The following PRKAG2 variants were observed in gnomAD, a reference collection of about 807,000 sequenced individuals.
PRKAG2 encodes 5'-AMP-activated protein kinase subunit gamma-2.
A neutral mutation model predicts 69.6 loss-of-function variants in PRKAG2; 26 were observed. The observed-to-expected ratio is 0.37, with a 90% CI of 0.27 to 0.52. The LOEUF (loss-of-function observed/expected upper bound fraction) is 0.52. Among genes scored for constraint, PRKAG2 ranks in the 20% least tolerant of loss-of-function variants. The probability of loss-of-function intolerance (pLI) is 0.90; values close to 1 mark genes in which losing one functional copy is unlikely to be tolerated. For synonymous variants in PRKAG2, 293 were observed against 285.0 expected (o/e 1.03, Z -0.28); for missense variants, 557 against 740.0 (o/e 0.75, Z 2.87).
chr7:151,636,073 G>T (rs952176263), intron 4 of PRKAG2, among the ~76,000 whole-genome samples: 7 of 151,514 alleles, frequency 4.6e-5, no homozygotes, highest in Non-Finnish European at 1.0e-4. Context: ...AGATGGTCTC[G>T]ATCTCCTGAC....
rs111720710 is a variant in PRKAG2, at chr7:151,572,910, T to C, written c.1006-201A>G. Among the ~76,000 whole-genome samples, 22,157 of 152,026 alleles carry C rather than the reference T, an allele frequency of 0.15. 1,730 individuals carry two copies. The highest frequency in any genetic ancestry group is 0.18 in the African/African-American group (7,473 of 41,458). On this transcript the variant is annotated intron_variant, in intron 8 of 15. Coordinates refer to ENST00000287878, the MANE Select transcript of PRKAG2 (RefSeq NM_016203.4). ...GGCAGATCACCTGAGGTCAGGAGTT[T>C]GAGACCAGCCTGGCCAACATGGTGA... is the stretch of plus-strand genomic sequence containing the variant.
intron 1 of PRKAG2, among the ~76,000 whole-genome samples, chr7:151,866,673 C>T (rs866833693): frequency 1.3e-5 from 2 of 152,078 alleles, no homozygotes; most frequent in African/African-American, 2.4e-5. Flanking sequence ...GAGGATGGGG[C>T]CCAGGTGATG....
intron 4 of PRKAG2, among the ~76,000 whole-genome samples, chr7:151,650,300 T>C (rs1828268944): frequency 1.1e-5 from 1 of 92,892 alleles, no homozygotes; most frequent in Admixed American, 1.0e-4. Context: ...AAACCCAGTC[T>C]CAAAAAAAAA....
At chr7:151,602,076 C>G (rs1293232006) in intron 5 of PRKAG2, among the ~76,000 whole-genome samples, 1 of 152,262 alleles carries the variant, frequency 6.6e-6, no homozygotes, top group African/African-American at 2.4e-5. Context: ...ACAGAGAGAT[C>G]TGGTCCGTGT....
intron 15 of PRKAG2, 175 bp from the exon 16 acceptor site, chr7:151,557,407 C>G (rs185606011): frequency 1.0e-6 from 1 of 985,074 alleles, no homozygotes; most frequent in Non-Finnish European, 1.2e-6. Flanking sequence ...CCCAATCGTT[C>G]GGGCAGCTTG....
chr7:151,692,486 G>C (rs6971188), intron 3 of PRKAG2, among the ~76,000 whole-genome samples: 3,178 of 152,236 alleles, frequency 0.021, 101 homozygotes, highest in African/African-American at 0.073. Context: ...AATTTCTTTG[G>C]GTGTTGGAAT....
intron 4 of PRKAG2, among the ~76,000 whole-genome samples, chr7:151,667,720 C>T (rs1032588957): frequency 2.0e-4 from 30 of 152,280 alleles, no homozygotes; most frequent in African/African-American, 4.6e-4. Flanking sequence ...GGCATTTGAA[C>T]GAGCTGGGGC....
intron 5 of PRKAG2, among the ~76,000 whole-genome samples, chr7:151,624,166 G>GTA (rs1306131164): frequency 6.5e-5 from 8 of 122,162 alleles, no homozygotes; most frequent in Admixed American, 8.0e-5. Context: ...GTGTGTGTGT[G>GTA]TACATATATA....
At chr7:151,620,886 C>A (rs1010566074) in intron 5 of PRKAG2, among the ~76,000 whole-genome samples, 17 of 152,180 alleles carry the variant, frequency 1.1e-4, no homozygotes, top group African/African-American at 4.1e-4. Context: ...GATTCACCCA[C>A]CTTGGCTTCC....
chr7:151,736,596 A>T (rs948467891), intron 3 of PRKAG2, among the ~76,000 whole-genome samples: 4 of 152,134 alleles, frequency 2.6e-5, no homozygotes, highest in Non-Finnish European at 5.9e-5. Flanking sequence ...ATTTTGATTC[A>T]TGGGTTCCAG....
intron 1 of PRKAG2, among the ~76,000 whole-genome samples, chr7:151,826,012 A>G (rs1002529732): frequency 6.6e-6 from 1 of 152,152 alleles, no homozygotes; most frequent in Non-Finnish European, 1.5e-5. Context: ...CCACATTTGA[A>G]GAAGCCCCTC....
intron 5 of PRKAG2, among the ~76,000 whole-genome samples, chr7:151,599,126 T>C (rs188379306): frequency 6.6e-6 from 1 of 152,282 alleles, no homozygotes; most frequent in African/African-American, 2.4e-5. Flanking sequence ...GTGCTGGGAT[T>C]ACAGGTGTGA....
Position 151,632,488 on chromosome 7 carries a change from G to A in PRKAG2, c.685-350C>T, listed in dbSNP as rs13237623. 8 of 847,478 alleles carry A rather than the reference G, an allele frequency of 9.4e-6. No homozygotes were observed. The highest frequency in any genetic ancestry group is 1.1e-5 in the Non-Finnish European group (8 of 704,672). The allele number at this position is 847,478 out of a possible 1,614,324, so 52.5% of individuals were successfully genotyped here. A position where few individuals can be genotyped will look rare whatever the true frequency, so the allele number is the denominator to read the frequency against. The stretch of plus-strand genomic sequence containing the variant: ...CCTGGGCCCGGGGCGCCCCCCTCCG[G>A]CCGTGGCCCGCGTCCTCCCCGCCGT... On this transcript the variant is annotated intron_variant, in intron 4 of 15. Transcript: ENST00000287878. This position sits in a 1 kb window ranked among gnomAD's most constrained non-coding sequence, Gnocchi z 4.2.
intron 1 of PRKAG2, among the ~76,000 whole-genome samples, chr7:151,865,537 C>A (rs948801591): frequency 2.6e-5 from 4 of 152,220 alleles, no homozygotes; most frequent in Non-Finnish European, 5.9e-5. Context: ...CACAGTGAGA[C>A]CCCTGTGCCT....
At chr7:151,855,363 C>T (rs1282576065) in intron 1 of PRKAG2, among the ~76,000 whole-genome samples, 2 of 68,382 alleles carry the variant, frequency 2.9e-5, no homozygotes, top group Admixed American at 1.8e-4. Context: ...ACACACACCG[C>T]CCTCCACACA....
chr7:151,767,537 C>T (rs1289986512), intron 3 of PRKAG2, among the ~76,000 whole-genome samples: 6 of 152,210 alleles, frequency 3.9e-5, no homozygotes, highest in African/African-American at 1.4e-4. Flanking sequence ...GTGATTGGCC[C>T]GACTTGGCCT....
In PRKAG2 at chr7:151,870,736, C is replaced by G. The variant is rs116932597; in HGVS notation, c.114+5771G>C. Reference sequence around the variant, plus strand: ...GGGCAGGAGCTGGGTGCAAAGGTCCCAGGCCATCACCAGCTCGGAGGGTGC... The same window carrying G: ...GGGCAGGAGCTGGGTGCAAAGGTCCGAGGCCATCACCAGCTCGGAGGGTGC... On this transcript the variant is annotated intron_variant, in intron 1 of 15. Transcript: ENST00000287878. Among the ~76,000 whole-genome samples the G allele has an allele frequency of 2.6e-4, 39 of 152,366 alleles. No homozygotes were observed. The East Asian group carries it at 7.1e-3, about 28-fold the overall frequency.
At chr7:151,702,443 T>C (rs1837881618) in intron 3 of PRKAG2, among the ~76,000 whole-genome samples, 1 of 152,162 alleles carries the variant, frequency 6.6e-6, no homozygotes, top group South Asian at 2.1e-4. Context: ...AGGTCCACAC[T>C]GATCCTGAGA....
chr7:151,653,938 T>C (rs1233919658), intron 4 of PRKAG2, among the ~76,000 whole-genome samples: 1 of 152,240 alleles, frequency 6.6e-6, no homozygotes, highest in Non-Finnish European at 1.5e-5. Context: ...GTCAAATTTC[T>C]ATTCCTCAAA....
Sources: allele counts gnomAD v4.1 joint callset (sites outside exome capture counted in the v4.1 genomes callset), GRCh38; gene constraint gnomAD v4.1.1; non-coding constraint Gnocchi (gnomAD v3.1); transcripts MANE v1.5; gene names NCBI Gene and HGNC (gene_info 2026-07-23, HGNC 2026-07-21).